RADX: variants seen among roughly 807,000 people sequenced by gnomAD.
RADX encodes the protein RPA-related protein RADX.
RADX carries 36 observed loss-of-function variants against 61.6 expected under a neutral mutation model. The ratio of observed to expected loss-of-function variants is 0.58; its 90% CI spans 0.45 to 0.77. RADX has a LOEUF of 0.77. Ranked by LOEUF, RADX falls within the 30% of genes least tolerant of loss-of-function variation. RADX has a pLI of 0.00. For missense variants in RADX, 497 were observed against 651.1 expected (o/e 0.76, Z 2.58); for synonymous variants, 272 against 237.9 (o/e 1.14, Z -1.32).
intron 10 of RADX, among the ~76,000 whole-genome samples, chrX:106,644,026 T>A (rs1389166121): frequency 1.8e-5 from 2 of 111,694 alleles, no homozygotes; most frequent in Non-Finnish European, 3.8e-5. Flanking sequence ...GGTATTTAAT[T>A]TTATGTGTGG....
In RADX at chrX:106,648,302, A is replaced by T; in HGVS notation, c.1905-11A>T. 1 of 1,150,362 alleles carries T rather than the reference A, an allele frequency of 8.7e-7. No homozygotes were observed. The highest frequency in any genetic ancestry group is 1.2e-6 in the Non-Finnish European group (1 of 844,303). The allele number at this position is 1,150,362 out of a possible 1,213,427, so 94.8% of individuals were successfully genotyped here. Reference sequence around the variant, plus strand: ...TATAAGGATTGGTTATACTCTTCTTATCCTTTATAGAGTTGCTGTACCTCA... The same window carrying T: ...TATAAGGATTGGTTATACTCTTCTTTTCCTTTATAGAGTTGCTGTACCTCA... On this transcript the variant is annotated splice_polypyrimidine_tract_variant and intron_variant, in intron 10 of 13. Transcript: ENST00000372548.
At chrX:106,625,438 A>G (rs973149986) in intron 3 of RADX, among the ~76,000 whole-genome samples, 156 bp downstream of exon 3, 4 of 111,915 alleles carry the variant, frequency 3.6e-5, no homozygotes, top group African/African-American at 1.3e-4. Flanking sequence ...AAGCAATCAC[A>G]TAACCTAATA....
intron 12 of RADX, among the ~76,000 whole-genome samples, chrX:106,663,498 A>T (rs1928154339): frequency 8.9e-6 from 1 of 111,906 alleles, no homozygotes; most frequent in African/African-American, 3.2e-5. Flanking sequence ...TCAAAAAAAT[A>T]ATAATCATGG....
At chrX:106,651,729 T>G (rs1268382111) in intron 11 of RADX, among the ~76,000 whole-genome samples, 2 of 111,065 alleles carry the variant, frequency 1.8e-5, no homozygotes, top group Non-Finnish European at 3.8e-5. Flanking sequence ...CTTTGTAAAT[T>G]TAAACATGTG....
chrX:106,619,615 G>A (rs1347123080), intron 1 of RADX, among the ~76,000 whole-genome samples: 1 of 111,270 alleles, frequency 9.0e-6, no homozygotes, highest in Admixed American at 9.5e-5. Context: ...TTTCTTCCAC[G>A]GTTAAGGACC....
At chrX:106,636,060 A>C (rs962126624) in intron 6 of RADX, among the ~76,000 whole-genome samples, 8 of 112,171 alleles carry the variant, frequency 7.1e-5, no homozygotes, top group African/African-American at 9.7e-5. Context: ...TATAAGCCCT[A>C]TCTGGTGGAA....
intron 3 of RADX, among the ~76,000 whole-genome samples, chrX:106,626,116 G>A (rs1172192491): frequency 9.0e-6 from 1 of 111,303 alleles, no homozygotes; most frequent in Non-Finnish European, 1.9e-5. Flanking sequence ...TTAAATAATT[G>A]TTTTTAGATA....
chrX:106,612,842 G>A, intron 1 of RADX, 119 bp downstream of exon 1: 1 of 717,410 alleles, frequency 1.4e-6, no homozygotes, highest in Non-Finnish European at 2.0e-6. Context: ...GGAGTGGTAG[G>A]TAGACAAGTT....
rs750336124 is a variant in RADX at position 106,642,542 on chromosome X, A to G, written c.1904+1821A>G. Among the ~76,000 whole-genome samples the G allele has an allele frequency of 5.4e-5, 6 of 111,892 alleles. No individual in the cohort carries two copies. In the East Asian group the frequency reaches 1.7e-3, roughly 32 times the overall value. On this transcript the variant is annotated intron_variant, in intron 10 of 13. Transcript: ENST00000372548. ...CTATGCTTGGCTTATTTCACTTAAC[A>G]TAATGATCTCCAGTTCCATCCATGT...
intron 13 of RADX, among the ~76,000 whole-genome samples, chrX:106,673,148 A>G: frequency 9.0e-6 from 1 of 111,684 alleles, no homozygotes; most frequent in East Asian, 2.9e-4. Context: ...GGTATCTAAC[A>G]TGCAAGACAA....
At chrX:106,640,220 T>C (rs976750880) in intron 9 of RADX, among the ~76,000 whole-genome samples, 2 of 111,274 alleles carry the variant, frequency 1.8e-5, no homozygotes, top group Non-Finnish European at 3.8e-5. Flanking sequence ...ATGCCAGTTC[T>C]GGAATATTGG....
At position 106,622,667 on chromosome X, in the gene RADX, C is replaced by A. The variant is rs200734111; in HGVS notation, c.660C>A (p.Ser220=). Reference sequence around the variant, plus strand: ...ATATTCTAGATACCAAAATAATTTCCCTTTCTCATCTTGAAATGACCTGGA... The same window carrying A: ...ATATTCTAGATACCAAAATAATTTCACTTTCTCATCTTGAAATGACCTGGA... The part of the protein sequence containing the change: ...EHNFSDTKII[S]LSHLEMTWTN... The change falls in exon 2 of 14, where the codon TCC becomes TCA. Residue 220 remains serine (S), a synonymous_variant. Coordinates refer to ENST00000372548, the MANE Select transcript of RADX (RefSeq NM_018015.6). The A allele has an allele frequency of 4.5e-5, 51 of 1,124,029 alleles. No homozygotes were observed. The highest frequency in any genetic ancestry group is 3.9e-5 in the Non-Finnish European group (32 of 826,607). 92.6% of individuals were successfully genotyped at this position (1,124,029 alleles called of 1,213,427 possible).
intron 13 of RADX, among the ~76,000 whole-genome samples, chrX:106,676,881 G>A (rs994823788): frequency 1.8e-5 from 2 of 111,228 alleles, no homozygotes; most frequent in African/African-American, 6.5e-5. Context: ...TCTGCCCTGG[G>A]TATGCATGTG....
chrX:106,630,045 G>C (rs182003926), intron 3 of RADX, among the ~76,000 whole-genome samples: 40 of 112,136 alleles, frequency 3.6e-4, no homozygotes, highest in African/African-American at 1.2e-3. Context: ...TAAGGGGGCT[G>C]AGCATGGTGG....
intron 13 of RADX, among the ~76,000 whole-genome samples, chrX:106,674,639 T>C (rs1452248206): frequency 8.9e-6 from 1 of 112,161 alleles, no homozygotes; most frequent in East Asian, 2.8e-4. Flanking sequence ...CTTTGCCCAT[T>C]TCTGAATTTG....
At chrX:106,625,995 C>CTA (rs1338179068) in intron 3 of RADX, among the ~76,000 whole-genome samples, 1 of 111,367 alleles carries the variant, frequency 9.0e-6, no homozygotes, top group Non-Finnish European at 1.9e-5. Context: ...AATACCTAAC[C>CTA]TATAGTCAGT....
chrX:106,672,792 G>C lies in RADX; in HGVS notation c.2437+3462G>C, dbSNP rs138345275. On this transcript the variant is annotated intron_variant, in intron 13 of 13. Transcript: ENST00000372548. ...CCAGTGACTAGAGTCAAAAATCTTA[G>C]ACGTCTACCTGGTATTGTATTGCAC... Among the ~76,000 whole-genome samples, 8 of 111,843 alleles carry C rather than the reference G, an allele frequency of 7.2e-5. No individual in the cohort carries two copies. The East Asian group carries it at 2.3e-3, about 32-fold the overall frequency.
At chrX:106,629,606 A>C (rs989548217) in intron 3 of RADX, among the ~76,000 whole-genome samples, 1 of 111,837 alleles carries the variant, frequency 8.9e-6, no homozygotes, top group Non-Finnish European at 1.9e-5. Context: ...AAATTCTACC[A>C]AACATTTAGG....
At chrX:106,621,449 TTAA>T (rs1163655749) in intron 1 of RADX, among the ~76,000 whole-genome samples, 2 of 112,079 alleles carry the variant, frequency 1.8e-5, no homozygotes, top group Non-Finnish European at 3.8e-5. Flanking sequence ...GATTCAAGTC[TTAA>T]TAGTTGAAAC....
Sources: gnomAD v4.1 joint callset for allele counts (sites outside exome capture counted in the v4.1 genomes callset) on GRCh38, gnomAD v4.1.1 for gene constraint, MANE v1.5 for transcripts, NCBI Gene and HGNC (gene_info 2026-07-23, HGNC 2026-07-21) for gene names.